The following SCRG1 variants were observed in gnomAD, a reference collection of about 807,000 sequenced individuals.
SCRG1 encodes the protein stimulator of chondrogenesis 1, also known as scrapie-responsive protein 1.
SCRG1 carries 3 observed loss-of-function variants against 7.7 expected under a neutral mutation model. The observed-to-expected ratio is 0.39, with a 90% CI of 0.18 to 1.01. The LOEUF is 1.01. Ranked by LOEUF, SCRG1 falls within the 50% of genes least tolerant of loss-of-function variation. The pLI, the probability that SCRG1 is intolerant of heterozygous loss-of-function variation, is 0.36. For synonymous variants in SCRG1, 46 were observed against 41.2 expected, an observed-to-expected ratio of 1.12 and a Z score of -0.44; for missense variants, 110 against 117.2, an observed-to-expected ratio of 0.94 and a Z score of 0.28.
chr4:173,484,394 AT>A, the SCRG1 span, among the ~76,000 whole-genome samples: 11 of 44,294 alleles, frequency 2.5e-4, no homozygotes, highest in African/African-American at 8.2e-4. Context: ...TATTTTATAC[AT>A]TATATATTAT....
the SCRG1 span, among the ~76,000 whole-genome samples, chr4:173,439,574 A>G: frequency 6.6e-6 from 1 of 151,566 alleles, no homozygotes; most frequent in Non-Finnish European, 1.5e-5. Context: ...CATATACAAT[A>G]CAAATATATA....
the SCRG1 span, among the ~76,000 whole-genome samples, chr4:173,451,634 TTTTATTTATTTA>T: frequency 2.8e-4 from 6 of 21,232 alleles, no homozygotes; most frequent in South Asian, 1.3e-3. Flanking sequence ...TACTTACTTA[TTTTATTTATTTA>T]TTTATTTATT....
rs145967245 is a variant in SCRG1, at chr4:173,391,878, C to G, written c.-14-450G>C. Among the ~76,000 whole-genome samples, 226 of 152,288 alleles carry G rather than the reference C, an allele frequency of 1.5e-3. 5 individuals are homozygous for G. The highest frequency in any genetic ancestry group is 5.2e-3 in the African/African-American group (218 of 41,552). Reference sequence around the variant, plus strand: ...AGTGAACCATGATTGTGCCACTGCTCTACTGGGGGTGGCAGAGTGAGACCT... The same window carrying G: ...AGTGAACCATGATTGTGCCACTGCTGTACTGGGGGTGGCAGAGTGAGACCT... On this transcript the variant is annotated intron_variant, in intron 1 of 2. Transcript: ENST00000296506.
chr4:173,504,861 C>T, the SCRG1 span, among the ~76,000 whole-genome samples: 2 of 152,158 alleles, frequency 1.3e-5, no homozygotes, highest in Admixed American at 6.5e-5. This position sits in a 1 kb window ranked among gnomAD's most constrained non-coding sequence, Gnocchi z 4.7. Context: ...GAATGTGGTG[C>T]CCTAGCCACA....
chr4:173,385,571 TG>T lies in SCRG1; in HGVS notation c.*2769del, dbSNP rs1739223066. On this transcript the variant is annotated 3_prime_UTR_variant, in exon 3 of 3. Coordinates refer to ENST00000296506, the MANE Select transcript of SCRG1 (RefSeq NM_007281.4). ...TGAATGTATGTTTTTACATTTATTTTGTAATATAAAGAAGGCTGTGTACTTG... is the reference window on the plus strand; with the variant it reads ...TGAATGTATGTTTTTACATTTATTTTTAATATAAAGAAGGCTGTGTACTTG... 6.6e-6 allele frequency: 1 copy of T among 152,208 alleles called. No individual in the cohort carries two copies. Among genetic ancestry groups the T allele is most frequent in the Admixed American group, 6.5e-5 (1 of 15,272 alleles). The allele number at this position is 152,208 out of a possible 1,614,324, so 9.4% of individuals were successfully genotyped here.
chr4:173,490,265 G>T, the SCRG1 span, among the ~76,000 whole-genome samples: 1 of 152,310 alleles, frequency 6.6e-6, no homozygotes, highest in Non-Finnish European at 1.5e-5. Context: ...ACTTCCCAAA[G>T]TGTCAAGTAA....
chr4:173,400,045 T>C (rs544588638), upstream of SCRG1, among the ~76,000 whole-genome samples: 3 of 152,162 alleles, frequency 2.0e-5, no homozygotes, highest in Non-Finnish European at 4.4e-5. Flanking sequence ...TCATATGCCA[T>C]GCTAAAAAAA....
the SCRG1 span, among the ~76,000 whole-genome samples, chr4:173,421,113 A>G: frequency 2.0e-5 from 3 of 151,956 alleles, no homozygotes; most frequent in South Asian, 2.1e-4. Context: ...ATATGGAGGT[A>G]TAAAGGAATG....
At chr4:173,434,557 G>A in the SCRG1 span, among the ~76,000 whole-genome samples, 1 of 152,192 alleles carries the variant, frequency 6.6e-6, no homozygotes, top group African/African-American at 2.4e-5. Context: ...ATTGCCGGGC[G>A]TGGTGGCTCA....
At chr4:173,447,201 T>C in the SCRG1 span, among the ~76,000 whole-genome samples, 1 of 152,236 alleles carries the variant, frequency 6.6e-6, no homozygotes, top group South Asian at 2.1e-4. Flanking sequence ...TCCTGATTTA[T>C]AGACAGCCAT....
chr4:173,438,416 T>C, the SCRG1 span, among the ~76,000 whole-genome samples: 8 of 152,178 alleles, frequency 5.3e-5, no homozygotes, highest in South Asian at 1.7e-3. Flanking sequence ...AGCCACTCTG[T>C]CTGACCAACT....
At chr4:173,485,606 T>G in the SCRG1 span, among the ~76,000 whole-genome samples, 1 of 152,128 alleles carries the variant, frequency 6.6e-6, no homozygotes, top group Non-Finnish European at 1.5e-5. Flanking sequence ...ATCTAACCAC[T>G]TCAAGAGGAT....
chr4:173,458,930 G>A, the SCRG1 span, among the ~76,000 whole-genome samples: 21 of 152,150 alleles, frequency 1.4e-4, no homozygotes, highest in Admixed American at 3.3e-4. Flanking sequence ...ATTCTGCACA[G>A]ACAGAAACAA....
At chr4:173,392,193 A>G (rs1220530102) in intron 1 of SCRG1, among the ~76,000 whole-genome samples, 1 of 152,228 alleles carries the variant, frequency 6.6e-6, no homozygotes, top group Non-Finnish European at 1.5e-5. Context: ...ATAGTGACAG[A>G]TGATAGTGTA....
the SCRG1 span, among the ~76,000 whole-genome samples, chr4:173,467,556 C>T: frequency 6.6e-6 from 1 of 152,156 alleles, no homozygotes; most frequent in Non-Finnish European, 1.5e-5. Context: ...TTTGGGAGAA[C>T]TTTGCCAACA....
chr4:173,485,089 T>C, the SCRG1 span, among the ~76,000 whole-genome samples: 55 of 4,742 alleles, frequency 0.012, 13 homozygotes, highest in African/African-American at 0.033. Flanking sequence ...TATAATATAT[T>C]ATATATTATA....
intron 1 of SCRG1, among the ~76,000 whole-genome samples, chr4:173,392,926 A>C (rs1739495780): frequency 6.6e-6 from 1 of 152,166 alleles, no homozygotes; most frequent in African/African-American, 2.4e-5. Context: ...CCCTGTCTCT[A>C]CTAAAAATAC....
the SCRG1 span, among the ~76,000 whole-genome samples, chr4:173,487,672 T>G: frequency 6.6e-6 from 1 of 152,192 alleles, no homozygotes; most frequent in African/African-American, 2.4e-5. Flanking sequence ...TTAGAATTTT[T>G]TAAAATTCCC....
chr4:173,465,633 CAT>C, the SCRG1 span, among the ~76,000 whole-genome samples: 3 of 151,182 alleles, frequency 2.0e-5, no homozygotes, highest in African/African-American at 7.3e-5. Flanking sequence ...TATATACCTA[CAT>C]ATATATATTT....
Sources: gnomAD v4.1 joint callset for allele counts (sites outside exome capture counted in the v4.1 genomes callset) on GRCh38, gnomAD v4.1.1 for gene constraint, Gnocchi (gnomAD v3.1) non-coding constraint, MANE v1.5 for transcripts, NCBI Gene and HGNC (gene_info 2026-07-23, HGNC 2026-07-21) for gene names.